The following ANKRD33B variants were observed in gnomAD, a reference collection of about 807,000 sequenced individuals.
The protein encoded by ANKRD33B is ankyrin repeat domain-containing protein 33B.
Under a neutral mutation model 21.5 loss-of-function variants are expected in ANKRD33B, and 6 were observed. The ratio of observed to expected loss-of-function variants is 0.28; its 90% confidence interval spans 0.15 to 0.55. ANKRD33B has a LOEUF of 0.55. Ranked by LOEUF, ANKRD33B falls within the 20% of genes least tolerant of loss-of-function variation. The pLI is 0.94. For missense variants in ANKRD33B, 698 were observed against 747.2 expected (o/e 0.93, Z 0.77); for synonymous variants, 347 against 342.4 (o/e 1.01, Z -0.15).
chr5:10,610,659 G>A (rs900534), intron 1 of ANKRD33B, among the ~76,000 whole-genome samples: 51,845 of 152,142 alleles, frequency 0.34, 10,205 homozygotes, highest in East Asian at 0.61. Context: ...GCTGAATCAC[G>A]TCCAGCACTG....
At chr5:10,598,350 T>G (rs1735861276) in intron 1 of ANKRD33B, among the ~76,000 whole-genome samples, 1 of 152,222 alleles carries the variant, frequency 6.6e-6, no homozygotes, top group Non-Finnish European at 1.5e-5. Context: ...CATGGCAACC[T>G]CTGCCTCCTG....
intron 1 of ANKRD33B, among the ~76,000 whole-genome samples, chr5:10,584,047 G>A (rs981379978): frequency 2.0e-5 from 3 of 152,168 alleles, no homozygotes; most frequent in East Asian, 1.9e-4. Flanking sequence ...CCTAGAAGAC[G>A]AGTGGTGGCA....
Position 10,568,433 on chromosome 5 carries a change from A to G in ANKRD33B, c.366+3600A>G, listed in dbSNP as rs184203511. On this transcript the variant is annotated intron_variant, in intron 1 of 3. Coordinates refer to ENST00000296657, the MANE Select transcript of ANKRD33B (RefSeq NM_001164440.2). ...AAGTGTGTTGTTTTAATTGTTGCAG[A>G]AGGGCAGTTTAAATGTCAGACAGCT... Among the ~76,000 whole-genome samples, 380 of 152,372 alleles carry G rather than the reference A, an allele frequency of 2.5e-3. 2 individuals are homozygous for G. The Middle Eastern group carries it at 0.082, about 33-fold the overall frequency.
chr5:10,604,982 G>T (rs370966470), intron 1 of ANKRD33B, among the ~76,000 whole-genome samples: 1 of 152,210 alleles, frequency 6.6e-6, no homozygotes, highest in Non-Finnish European at 1.5e-5. Context: ...AGGGTTTCTC[G>T]TGAGTTGCAG....
At chr5:10,577,445 C>A (rs1735348602) in intron 1 of ANKRD33B, among the ~76,000 whole-genome samples, 1 of 152,192 alleles carries the variant, frequency 6.6e-6, no homozygotes, top group African/African-American at 2.4e-5. Context: ...TCTTCAGCAC[C>A]AGTTACTGCA....
In ANKRD33B at chr5:10,619,447, T is replaced by C. The variant is rs1371431460; in HGVS notation, c.496+985T>C. ...AGGAGACCTCCTTGTCCCTTGTTGCTTCACAAGCTCCTGGACCAAAGCCAC... is the reference window on the plus strand; with the variant it reads ...AGGAGACCTCCTTGTCCCTTGTTGCCTCACAAGCTCCTGGACCAAAGCCAC... On this transcript the variant is annotated intron_variant, in intron 2 of 3. Coordinates refer to ENST00000296657, the MANE Select transcript of ANKRD33B (RefSeq NM_001164440.2). This position sits in a 1 kb window ranked among gnomAD's most constrained non-coding sequence, Gnocchi z 4.5. 1.1e-4 allele frequency: 100 copies of C among 944,116 alleles called. No individual in the cohort carries two copies. The highest frequency in any genetic ancestry group is 1.2e-4 in the Non-Finnish European group (97 of 792,510). The allele number at this position is 944,116 out of a possible 1,614,324, so 58.5% of individuals were successfully genotyped here.
rs2126539017 is a variant in ANKRD33B at position 10,564,538 on chromosome 5, C to T, written c.71C>T (p.Pro24Leu). ...TGCATGACCCCACCACCGCCGTCCC[C>T]ACCCCGGGGCGCGCAGGTCGAGGAG... Reference protein sequence around the residue: ...ARCMTPPPPSPPRGAQVEEDP... With the variant: ...ARCMTPPPPSLPRGAQVEEDP... Residue 24 changes from proline to leucine, a missense_variant, in exon 1 of 4, where the codon CCA becomes CTA. Pro to Leu is a moderately conservative substitution (Grantham distance 98). Around this residue, in one of 3 missense-constraint regions of ANKRD33B, gnomAD observed 148 missense variants for 154.9 expected, o/e 0.96. Coordinates refer to ENST00000296657, the MANE Select transcript of ANKRD33B (RefSeq NM_001164440.2). 1.3e-6 allele frequency: 2 copies of T among 1,533,148 alleles called. No homozygotes were observed. Among genetic ancestry groups the T allele is most frequent in the East Asian group, 2.5e-5 (1 of 40,764 alleles). 95.0% of individuals were successfully genotyped at this position (1,533,148 alleles called of 1,614,324 possible).
intron 2 of ANKRD33B, among the ~76,000 whole-genome samples, chr5:10,622,736 C>A (rs1440555503): frequency 6.6e-6 from 1 of 152,002 alleles, no homozygotes; most frequent in Non-Finnish European, 1.5e-5. Flanking sequence ...TGTAGCCCAG[C>A]CCCTTCTTTT....
intron 1 of ANKRD33B, among the ~76,000 whole-genome samples, chr5:10,567,222 G>T (rs2126541255): frequency 6.6e-6 from 1 of 152,290 alleles, no homozygotes. Context: ...CTTTTCATTA[G>T]CTTCTCAAGG....
In ANKRD33B at chr5:10,650,110, G is replaced by C. The variant is rs982272449; in HGVS notation, c.1482G>C (p.Thr494=). The part of the protein sequence containing the change: ...ERRTAPWKKR[T] ...GCACTGCGCCCTGGAAGAAGAGGACGTGAGGGCCCGTGTGCCTGGCGCTGG... is the reference window on the plus strand; with the variant it reads ...GCACTGCGCCCTGGAAGAAGAGGACCTGAGGGCCCGTGTGCCTGGCGCTGG... Residue 494 remains threonine (T), a synonymous_variant, in exon 4 of 4, where the codon ACG becomes ACC. Coordinates refer to ENST00000296657, the MANE Select transcript of ANKRD33B (RefSeq NM_001164440.2). 4.0e-6 allele frequency: 6 copies of C among 1,506,256 alleles called. No individual in the cohort carries two copies. The highest frequency in any genetic ancestry group is 5.3e-6 in the Non-Finnish European group (6 of 1,131,484). 93.3% of individuals were successfully genotyped at this position (1,506,256 alleles called of 1,614,324 possible).
intron 1 of ANKRD33B, among the ~76,000 whole-genome samples, chr5:10,587,472 A>G (rs1735590382): frequency 6.6e-6 from 1 of 152,126 alleles, no homozygotes; most frequent in South Asian, 2.1e-4. Context: ...CACATTCACA[A>G]CATGATCCTT....
At chr5:10,590,503 C>G (rs1411454549) in intron 1 of ANKRD33B, among the ~76,000 whole-genome samples, 2 of 152,194 alleles carry the variant, frequency 1.3e-5, no homozygotes, top group Non-Finnish European at 2.9e-5. Flanking sequence ...CTTATCCAAC[C>G]CCTGGCCTGC....
intron 1 of ANKRD33B, among the ~76,000 whole-genome samples, chr5:10,577,728 C>T (rs540777776): frequency 4.7e-4 from 72 of 152,354 alleles, no homozygotes; most frequent in African/African-American, 1.5e-3. Flanking sequence ...GACATAGCTC[C>T]GCAGTCAGTT....
At position 10,653,132 on chromosome 5, in the gene ANKRD33B, T is replaced by C; in HGVS notation, c.*3019T>C. ...TGAGTTGGAGACTCTCCCCAGTCCC[T>C]CTCTCTGGACTCATTCTAGCTGTGG... On this transcript the variant is annotated 3_prime_UTR_variant, in exon 4 of 4. Coordinates refer to ENST00000296657, the MANE Select transcript of ANKRD33B (RefSeq NM_001164440.2). 6.2e-6 allele frequency: 1 copy of C among 160,988 alleles called. No homozygotes were observed. 10.0% of individuals were successfully genotyped at this position (160,988 alleles called of 1,614,324 possible). A position where few individuals can be genotyped will look rare whatever the true frequency, so the allele number is the denominator to read the frequency against.
At chr5:10,648,255 G>A (rs1204032269) in intron 3 of ANKRD33B, among the ~76,000 whole-genome samples, 1 of 152,238 alleles carries the variant, frequency 6.6e-6, no homozygotes, top group African/African-American at 2.4e-5. Context: ...CGCAGTGGGA[G>A]AAGCGAAGGA....
At chr5:10,646,748 C>T (rs1364257119) in intron 3 of ANKRD33B, among the ~76,000 whole-genome samples, 8 of 152,240 alleles carry the variant, frequency 5.3e-5, no homozygotes, top group Non-Finnish European at 1.0e-4. Flanking sequence ...TGTACTCTAG[C>T]TAATGAGTTC....
In ANKRD33B at chr5:10,652,821, C is replaced by T. The variant is rs1053907522; in HGVS notation, c.*2708C>T. On this transcript the variant is annotated 3_prime_UTR_variant, in exon 4 of 4. Coordinates refer to ENST00000296657, the MANE Select transcript of ANKRD33B (RefSeq NM_001164440.2). This position sits in a 1 kb window ranked among gnomAD's most constrained non-coding sequence, Gnocchi z 4.1. ...CCAGCACAGGGATTGTCCAGTGATG[C>T]TCCTGGTGTCCACAAAACAGCTCTA... is the stretch of plus-strand genomic sequence containing the variant. 1.0e-5 allele frequency: 3 copies of T among 297,988 alleles called. No individual in the cohort carries two copies. The highest frequency in any genetic ancestry group is 2.9e-5 in the South Asian group (1 of 34,474). 18.5% of individuals were successfully genotyped at this position (297,988 alleles called of 1,614,324 possible).
At chr5:10,611,417 G>A (rs1276916121) in intron 1 of ANKRD33B, among the ~76,000 whole-genome samples, 1 of 152,144 alleles carries the variant, frequency 6.6e-6, no homozygotes, top group Non-Finnish European at 1.5e-5. Context: ...AGCTCAGTGG[G>A]GGTTGTCCCT....
At chr5:10,582,400 G>A (rs1251753407) in intron 1 of ANKRD33B, among the ~76,000 whole-genome samples, 1 of 152,142 alleles carries the variant, frequency 6.6e-6, no homozygotes, top group Non-Finnish European at 1.5e-5. Flanking sequence ...AAGCGGGGGG[G>A]ATGTCCACCA....
Sources: gnomAD v4.1 joint callset for allele counts (sites outside exome capture counted in the v4.1 genomes callset) on GRCh38, gnomAD v4.1.1 for gene constraint, gnomAD v4.1.1 regional missense constraint, Gnocchi (gnomAD v3.1) non-coding constraint, MANE v1.5 for transcripts, NCBI Gene and HGNC (gene_info 2026-07-23, HGNC 2026-07-21) for gene names.